Variants in KHDRBS2 observed in about 807,000 individuals in gnomAD.
The protein encoded by KHDRBS2 is KH RNA binding domain containing, signal transduction associated 2.
KHDRBS2 carries 26 observed loss-of-function variants against 44.3 expected under a neutral mutation model. The observed-to-expected ratio is 0.59, with a 90% CI of 0.43 to 0.81. KHDRBS2 has a LOEUF of 0.81. KHDRBS2 is among the 40% of genes least tolerant of loss of function. The pLI is 0.00. For synonymous variants in KHDRBS2, 194 were observed against 151.1 expected (o/e 1.28, Z -2.08); for missense variants, 476 against 433.1 (o/e 1.10, Z -0.88).
At chr6:61,593,486 T>A in the KHDRBS2 span, among the ~76,000 whole-genome samples, 49 of 151,966 alleles carry the variant, frequency 3.2e-4, no homozygotes, top group African/African-American at 1.0e-3. Context: ...TTTTTTTTTT[T>A]TTTTGACACA....
intron 1 of KHDRBS2, among the ~76,000 whole-genome samples, chr6:62,215,716 C>A (rs1275908252): frequency 6.6e-6 from 1 of 151,588 alleles, no homozygotes; most frequent in East Asian, 1.9e-4. Context: ...TTCATAACTC[C>A]AGAATACCAG....
chr6:61,603,767 C>T, the KHDRBS2 span, among the ~76,000 whole-genome samples: 1 of 152,134 alleles, frequency 6.6e-6, no homozygotes, highest in Non-Finnish European at 1.5e-5. Flanking sequence ...GTTGAGCCTC[C>T]CACAATTACC....
chr6:62,067,896 T>C (rs972644278), intron 2 of KHDRBS2, among the ~76,000 whole-genome samples: 5 of 151,566 alleles, frequency 3.3e-5, no homozygotes, highest in African/African-American at 1.2e-4. Flanking sequence ...GGAACTTTAT[T>C]TATTTATTGC....
intron 6 of KHDRBS2, among the ~76,000 whole-genome samples, chr6:61,838,086 T>C (rs929696304): frequency 6.6e-6 from 1 of 152,044 alleles, no homozygotes; most frequent in Non-Finnish European, 1.5e-5. Context: ...ACTAATTTAA[T>C]CAAATTCTTT....
At position 62,115,852 on chromosome 6, in the gene KHDRBS2, A is replaced by G. The variant is rs532180017; in HGVS notation, c.219+61333T>C. 1.4e-3 allele frequency among the ~76,000 whole-genome samples: 217 copies of G among 152,270 alleles called. 1 individual carries two copies. Among genetic ancestry groups the G allele is most frequent in the African/African-American group, 5.0e-3 (206 of 41,588 alleles). On this transcript the variant is annotated intron_variant, in intron 2 of 8. Coordinates refer to ENST00000281156, the MANE Select transcript of KHDRBS2 (RefSeq NM_152688.4). ...TGAGAAATCATATAAAACAAAAATT[A>G]CTAATCTGAGATAGAAAAAGAAAGG...
intron 1 of KHDRBS2, among the ~76,000 whole-genome samples, chr6:62,242,555 C>T (rs1834852976): frequency 6.6e-6 from 1 of 151,646 alleles, no homozygotes; most frequent in East Asian, 1.9e-4. Context: ...GGATGAAAAC[C>T]AATACTTTAG....
chr6:61,894,037 A>G (rs1236378216), intron 6 of KHDRBS2, among the ~76,000 whole-genome samples: 1 of 152,178 alleles, frequency 6.6e-6, no homozygotes, highest in Non-Finnish European at 1.5e-5. Flanking sequence ...GACAATCAGA[A>G]CTAAAGGTTA....
intron 8 of KHDRBS2, among the ~76,000 whole-genome samples, chr6:61,683,941 C>G (rs1214907147): frequency 6.6e-6 from 1 of 151,874 alleles, no homozygotes; most frequent in Non-Finnish European, 1.5e-5. Context: ...AGATTCCATA[C>G]CATTAGCAGA....
chr6:62,176,654 ATAGTT>A (rs1434894755), intron 2 of KHDRBS2, among the ~76,000 whole-genome samples: 1 of 151,248 alleles, frequency 6.6e-6, no homozygotes, highest in East Asian at 1.9e-4. Context: ...TGGTGAAAAA[ATAGTT>A]TAAAGAAAGA....
At chr6:61,571,369 T>C in the KHDRBS2 span, among the ~76,000 whole-genome samples, 1 of 152,026 alleles carries the variant, frequency 6.6e-6, no homozygotes, top group Non-Finnish European at 1.5e-5. Context: ...CAGGAAAAGA[T>C]CACAATCTAA....
intron 2 of KHDRBS2, among the ~76,000 whole-genome samples, chr6:62,054,569 C>A (rs1028323670): frequency 1.1e-4 from 17 of 151,952 alleles, no homozygotes; most frequent in Admixed American, 9.8e-4. Context: ...TGCCTAATGT[C>A]TTTTTAAAAG....
At chr6:61,810,197 T>C (rs576016195) in intron 6 of KHDRBS2, among the ~76,000 whole-genome samples, 1 of 152,240 alleles carries the variant, frequency 6.6e-6, no homozygotes, top group African/African-American at 2.4e-5. Flanking sequence ...TATGGTAATA[T>C]TGATCACTCC....
At chr6:61,566,723 T>C in the KHDRBS2 span, among the ~76,000 whole-genome samples, 1 of 25,760 alleles carries the variant, frequency 3.9e-5, no homozygotes, top group South Asian at 6.4e-4. Context: ...CGTTCGCTCT[T>C]TTTTTGAGCC....
chr6:62,262,717 A>G (rs1197012139), intron 1 of KHDRBS2, among the ~76,000 whole-genome samples: 3 of 151,664 alleles, frequency 2.0e-5, no homozygotes, highest in East Asian at 1.9e-4. Flanking sequence ...TACATCTAGC[A>G]CAGTGCTTAA....
At chr6:62,064,768 A>G (rs919519010) in intron 2 of KHDRBS2, among the ~76,000 whole-genome samples, 1 of 152,120 alleles carries the variant, frequency 6.6e-6, no homozygotes, top group Non-Finnish European at 1.5e-5. Context: ...AACAAAAGCC[A>G]AAATTGACAA....
intron 1 of KHDRBS2, among the ~76,000 whole-genome samples, chr6:62,179,323 T>TC (rs1250330561): frequency 6.6e-6 from 1 of 151,684 alleles, no homozygotes; most frequent in African/African-American, 2.4e-5. Flanking sequence ...AAGTTATATG[T>TC]CTATAATTTC....
chr6:62,110,676 G>C (rs1020712029), intron 2 of KHDRBS2, among the ~76,000 whole-genome samples: 4 of 152,040 alleles, frequency 2.6e-5, no homozygotes, highest in Admixed American at 2.6e-4. Context: ...TTTATGTATA[G>C]TACTGAAAAG....
At chr6:62,207,460 G>A (rs1424789458) in intron 1 of KHDRBS2, among the ~76,000 whole-genome samples, 2 of 152,060 alleles carry the variant, frequency 1.3e-5, no homozygotes, top group Non-Finnish European at 1.5e-5. Context: ...TACAAAACCT[G>A]ATACCTACTT....
intron 7 of KHDRBS2, among the ~76,000 whole-genome samples, chr6:61,717,499 A>G (rs1582357011): frequency 6.6e-6 from 1 of 152,114 alleles, no homozygotes; most frequent in East Asian, 1.9e-4. Context: ...GTGGGAAAGT[A>G]ATTAAATCCA....
Sources: allele counts gnomAD v4.1 joint callset (sites outside exome capture counted in the v4.1 genomes callset), GRCh38; gene constraint gnomAD v4.1.1; transcripts MANE v1.5; gene names NCBI Gene and HGNC (gene_info 2026-07-23, HGNC 2026-07-21).